PRKAG2: variants seen among roughly 807,000 people sequenced by gnomAD.
PRKAG2 encodes the protein protein kinase AMP-activated non-catalytic subunit gamma 2.
PRKAG2 carries 26 observed loss-of-function variants against 69.6 expected under a neutral mutation model. The observed-to-expected ratio is 0.37, with a 90% CI of 0.27 to 0.52. The LOEUF (loss-of-function observed/expected upper bound fraction) is 0.52. Among genes scored for constraint, PRKAG2 ranks in the 20% least tolerant of loss-of-function variants. The pLI is 0.90. For missense variants in PRKAG2, 557 were observed against 740.0 expected (o/e 0.75, Z 2.87); for synonymous variants, 293 against 285.0 (o/e 1.03, Z -0.28).
chr7:151,708,059 G>T (rs984785891), intron 3 of PRKAG2, among the ~76,000 whole-genome samples: 38 of 152,298 alleles, frequency 2.5e-4, no homozygotes, highest in African/African-American at 8.7e-4. Flanking sequence ...TGTCCACAAG[G>T]GGGGCGCTGT....
intron 4 of PRKAG2, among the ~76,000 whole-genome samples, chr7:151,642,289 G>A (rs188274906): frequency 3.9e-4 from 59 of 152,312 alleles, no homozygotes; most frequent in Non-Finnish European, 7.4e-4. Context: ...CTTGCAGTGA[G>A]CCAAGATCGC....
At chr7:151,817,501 G>A (rs980762094) in intron 1 of PRKAG2, among the ~76,000 whole-genome samples, 5 of 152,148 alleles carry the variant, frequency 3.3e-5, no homozygotes, top group South Asian at 2.1e-4. Context: ...CCTGGCCCAC[G>A]GTCATCCTTC....
chr7:151,755,403 A>AG (rs1491143238), intron 3 of PRKAG2, among the ~76,000 whole-genome samples: 1 of 152,010 alleles, frequency 6.6e-6, no homozygotes, highest in Admixed American at 6.6e-5. Flanking sequence ...AGAGGAAGAC[A>AG]GGGGGTGGGT....
At chr7:151,732,696 A>C (rs2429832) in intron 3 of PRKAG2, among the ~76,000 whole-genome samples, 1 of 151,932 alleles carries the variant, frequency 6.6e-6, no homozygotes, top group Non-Finnish European at 1.5e-5. Flanking sequence ...AGGCACCCAG[A>C]GTGGTTTTTC....
chr7:151,599,829 C>T (rs938434236), intron 5 of PRKAG2, among the ~76,000 whole-genome samples: 4 of 152,130 alleles, frequency 2.6e-5, no homozygotes, highest in Non-Finnish European at 4.4e-5. Flanking sequence ...GATTGGGGAC[C>T]CCTGACCTAT....
At chr7:151,559,023 G>A (rs911371930) in intron 15 of PRKAG2, 9 of 985,422 alleles carry the variant, frequency 9.1e-6, no homozygotes, top group African/African-American at 1.7e-5. Context: ...GGCTGGAAAC[G>A]GGGCATCTTT....
intron 1 of PRKAG2, among the ~76,000 whole-genome samples, chr7:151,866,808 C>T (rs2080089689): frequency 6.6e-6 from 1 of 152,104 alleles, no homozygotes; most frequent in Non-Finnish European, 1.5e-5. Flanking sequence ...GCCTGCCTGC[C>T]CGTCTTCTGG....
chr7:151,710,541 G>A (rs895182680), intron 3 of PRKAG2, among the ~76,000 whole-genome samples: 3 of 152,192 alleles, frequency 2.0e-5, no homozygotes, highest in Admixed American at 6.5e-5. Context: ...TTCAGGGCCC[G>A]TGCATGTGCT....
intron 5 of PRKAG2, among the ~76,000 whole-genome samples, chr7:151,606,250 A>T (rs1817533698): frequency 6.6e-6 from 1 of 152,218 alleles, no homozygotes; most frequent in African/African-American, 2.4e-5. Flanking sequence ...GTAATAAAAC[A>T]ACATCAATCA....
chr7:151,747,009 C>T (rs537034486), intron 3 of PRKAG2, among the ~76,000 whole-genome samples: 19 of 152,324 alleles, frequency 1.2e-4, no homozygotes, highest in African/African-American at 4.6e-4. Context: ...AAACTTTATT[C>T]GCAGCAAATT....
At chr7:151,749,989 C>T (rs1483368106) in intron 3 of PRKAG2, among the ~76,000 whole-genome samples, 5 of 149,078 alleles carry the variant, frequency 3.4e-5, no homozygotes, top group Non-Finnish European at 5.9e-5. Flanking sequence ...CCCAGCTACT[C>T]GGGAGGCTGA....
intron 1 of PRKAG2, among the ~76,000 whole-genome samples, chr7:151,838,959 G>T (rs1289144550): frequency 3.3e-5 from 5 of 150,562 alleles, no homozygotes; most frequent in African/African-American, 1.2e-4. Context: ...AGGTTGTAGT[G>T]TGCAGAGACT....
chr7:151,644,055 A>G (rs925828408), intron 4 of PRKAG2, among the ~76,000 whole-genome samples: 2 of 152,208 alleles, frequency 1.3e-5, no homozygotes, highest in African/African-American at 4.8e-5. Flanking sequence ...CATAAGAATG[A>G]TACAATAGAC....
chr7:151,615,718 GA>G (rs1473112433), intron 5 of PRKAG2, among the ~76,000 whole-genome samples: 1 of 151,956 alleles, frequency 6.6e-6, no homozygotes, highest in South Asian at 2.1e-4. Context: ...AAATTGACAA[GA>G]AAAAATCAAA....
intron 1 of PRKAG2, among the ~76,000 whole-genome samples, chr7:151,857,120 T>A (rs73160054): frequency 0.012 from 1,650 of 137,740 alleles, 14 homozygotes; most frequent in Non-Finnish European, 0.018. Context: ...CAAGGGCTGA[T>A]CATTGCTGGA....
chr7:151,876,724 C>T lies in PRKAG2; in HGVS notation c.-104G>A. On this transcript the variant is annotated 5_prime_UTR_variant, in exon 1 of 16. In the 5' UTR this introduces an upstream ATG that the reference lacks. Transcript: ENST00000287878. ...GACTGGAGCCGCGCGCTCTGTTACA[C>T]CCTGAAGCCACCTCGTGGGGACTTC... The T allele has an allele frequency of 8.9e-6, 10 of 1,118,646 alleles. No individual in the cohort carries two copies. The highest frequency in any genetic ancestry group is 1.9e-4 in the Middle Eastern group (1 of 5,160). The allele number at this position is 1,118,646 out of a possible 1,614,324, so 69.3% of individuals were successfully genotyped here. A position where few individuals can be genotyped will look rare whatever the true frequency, so the allele number is the denominator to read the frequency against.
chr7:151,739,090 T>G (rs1301634105), intron 3 of PRKAG2, among the ~76,000 whole-genome samples: 3 of 152,178 alleles, frequency 2.0e-5, no homozygotes, highest in Non-Finnish European at 4.4e-5. Flanking sequence ...GTAGCCTCCA[T>G]CTGCAGGGGA....
chr7:151,661,881 G>A (rs1304082249), intron 4 of PRKAG2, among the ~76,000 whole-genome samples: 1 of 152,196 alleles, frequency 6.6e-6, no homozygotes, highest in Admixed American at 6.5e-5. Flanking sequence ...TGTCACAGTT[G>A]TACCAAGGAT....
chr7:151,721,703 G>A (rs995462145), intron 3 of PRKAG2, among the ~76,000 whole-genome samples: 1 of 152,214 alleles, frequency 6.6e-6, no homozygotes, highest in African/African-American at 2.4e-5. Flanking sequence ...TAGTTTGTCT[G>A]GAGAAGACAG....
Sources: gnomAD v4.1 joint callset for allele counts (sites outside exome capture counted in the v4.1 genomes callset) on GRCh38, gnomAD v4.1.1 for gene constraint, MANE v1.5 for transcripts, NCBI Gene and HGNC (gene_info 2026-07-23, HGNC 2026-07-21) for gene names.